The following ROBO3 variants were observed in gnomAD, a reference collection of about 807,000 sequenced individuals.
ROBO3 encodes the protein roundabout guidance receptor 3.
In ROBO3, 97 loss-of-function variants were observed where a neutral mutation model predicts 160.5. That is an observed-to-expected ratio of 0.60 (90% CI 0.51 to 0.72). ROBO3 has a LOEUF of 0.72. Among genes scored for constraint, ROBO3 ranks in the 30% least tolerant of loss-of-function variants. The pLI, the probability that ROBO3 is intolerant of heterozygous loss-of-function variation, is 0.00. For synonymous variants in ROBO3, 780 were observed against 746.2 expected, an observed-to-expected ratio of 1.05 and a Z score of -0.74; for missense variants, 1,858 against 1,846.5, an observed-to-expected ratio of 1.01 and a Z score of -0.11.
chr11:124,880,743 A>G (rs2135352011), intron 27 of ROBO3, 135 bp downstream of exon 27: 3 of 1,244,078 alleles, frequency 2.4e-6, no homozygotes, highest in South Asian at 1.6e-5. Flanking sequence ...GGTGAGGGGG[A>G]GGGAGGAATC....
intron 1 of ROBO3, among the ~76,000 whole-genome samples, chr11:124,868,096 ATGCACCT>A (rs1946225681): frequency 6.6e-6 from 1 of 152,162 alleles, no homozygotes; most frequent in Non-Finnish European, 1.5e-5. Context: ...ATTGGAAACT[ATGCACCT>A]GTCAGGAAAA....
At chr11:124,874,676 G>C in intron 12 of ROBO3, 112 bp from the exon 13 acceptor site, 2 of 1,275,344 alleles carry the variant, frequency 1.6e-6, no homozygotes, top group Non-Finnish European at 2.1e-6. Flanking sequence ...CTGACCATGG[G>C]GTGTGCTCTG....
chr11:124,875,495 T>C (rs1946344706), intron 14 of ROBO3, 69 bp from the exon 15 acceptor site: 3 of 1,593,612 alleles, frequency 1.9e-6, no homozygotes, highest in South Asian at 1.1e-5. Flanking sequence ...GGAGGGGGAA[T>C]GTTGGGGCAG....
rs114572753 is a variant in ROBO3, at chr11:124,872,411, C to A, written c.1189C>A (p.Pro397Thr). ...GCTTTTCCCCAGTCAGTCACTTCAG[C>A]CGACGGGGCGCTTCTCAGTGTCTCC... ...VLLFPSQSLQ[P>T]TGRFSVSPRG... Residue 397 changes from proline to threonine, a missense_variant, in exon 8 of 28, where the codon CCG becomes ACG. Coordinates refer to ENST00000397801, the MANE Select transcript of ROBO3 (RefSeq NM_022370.4). The surrounding 1 kb of genome is among the most constrained non-coding windows in gnomAD (Gnocchi z 4.3). 1,627 of 1,613,964 alleles carry A rather than the reference C, an allele frequency of 1.0e-3. 15 individuals are homozygous for A. The African/African-American group carries it at 0.019, about 19-fold the overall frequency.
Position 124,878,355 on chromosome 11 carries a change from A to G in ROBO3, c.3239A>G (p.Asn1080Ser), listed in dbSNP as rs758160381. The G allele has an allele frequency of 1.2e-6, 2 of 1,613,864 alleles. No individual in the cohort carries two copies. The highest frequency in any genetic ancestry group is 2.7e-5 in the African/African-American group (2 of 75,030). ...AAACCTGTGCAGATGCCCTCTCTGA[A>G]CTGGCCAGAAGCCCTGCCCCCACCT... is the stretch of plus-strand genomic sequence containing the variant. ...LGKPVQMPSL[N>S]WPEALPPPPP... Residue 1080 changes from asparagine (N) to serine (S), a missense_variant, in exon 22 of 28, where the codon AAC becomes AGC. Asn to Ser is a conservative substitution (Grantham distance 46, BLOSUM62 1). Transcript: ENST00000397801. The surrounding 1 kb of genome is among the most constrained non-coding windows in gnomAD (Gnocchi z 4.3).
In ROBO3 at chr11:124,878,173, G is replaced by T. The variant is rs756866812; in HGVS notation, c.3181+42G>T. 1 of 1,574,594 alleles carries T rather than the reference G, an allele frequency of 6.4e-7. No homozygotes were observed. The highest frequency in any genetic ancestry group is 8.6e-7 in the Non-Finnish European group (1 of 1,157,960). On this transcript the variant is annotated intron_variant, in intron 21 of 27. Transcript: ENST00000397801. This position sits in a 1 kb window ranked among gnomAD's most constrained non-coding sequence, Gnocchi z 4.3. ...TGAAACCCCGTTTAGCCCTGACCAG[G>T]GTATCCCCAAAGAGGATCCTCCTCC...
Position 124,879,513 on chromosome 11 carries a change from C to A in ROBO3, c.3734C>A (p.Pro1245His). The A allele has an allele frequency of 6.2e-7, 1 of 1,613,908 alleles. No individual in the cohort carries two copies. Among genetic ancestry groups the A allele is most frequent in the East Asian group, 2.2e-5 (1 of 44,864 alleles). The change falls in exon 25 of 28, where the codon CCC becomes CAC. Residue 1245 changes from proline to histidine, a missense_variant. By Grantham distance (77) the Pro-to-His change is moderately conservative. Transcript: ENST00000397801. Reference protein sequence around the residue: ...NGEMTPPLQGPRARFRKKPKA... With the variant: ...NGEMTPPLQGHRARFRKKPKA... ...GAGATGACTCCCCCACTTCAAGGACCCCGTGCTCGATTCCGGAAGAAACCC... is the reference window on the plus strand; with the variant it reads ...GAGATGACTCCCCCACTTCAAGGACACCGTGCTCGATTCCGGAAGAAACCC...
chr11:124,870,594 G>A lies in ROBO3; in HGVS notation c.906-7G>A. 6.2e-7 allele frequency: 1 copy of A among 1,613,770 alleles called. No homozygotes were observed. Among genetic ancestry groups the A allele is most frequent in the Non-Finnish European group, 8.5e-7 (1 of 1,179,840 alleles). On this transcript the variant is annotated splice_polypyrimidine_tract_variant and splice_region_variant and intron_variant, in intron 5 of 27. Transcript: ENST00000397801. ...GCCAACCCAGCCTGGGGTGGGGAGT[G>A]GAGCAGGTATGAGATCCGGAGTGAC...
At position 124,876,488 on chromosome 11, in the gene ROBO3, A is replaced by T. The variant is rs904869495; in HGVS notation, c.2779+28A>T. On this transcript the variant is annotated intron_variant, in intron 17 of 27. Coordinates refer to ENST00000397801, the MANE Select transcript of ROBO3 (RefSeq NM_022370.4). The surrounding 1 kb of genome is among the most constrained non-coding windows in gnomAD (Gnocchi z 5.3). ...GAGCTCCCGGCCTCGGAGCGGACGG[A>T]TCCGGGAGGGAGCCAGGCGGCCCAT... is the stretch of plus-strand genomic sequence containing the variant. 71 of 1,357,754 alleles carry T rather than the reference A, an allele frequency of 5.2e-5. No homozygotes were observed. The highest frequency in any genetic ancestry group is 6.2e-5 in the Non-Finnish European group (66 of 1,060,550). 84.1% of individuals were successfully genotyped at this position (1,357,754 alleles called of 1,614,324 possible).
intron 27 of ROBO3, 112 bp downstream of exon 27, chr11:124,880,720 A>T: frequency 7.2e-7 from 1 of 1,383,044 alleles, no homozygotes; most frequent in Non-Finnish European, 9.5e-7. Context: ...TGTCAAAAGG[A>T]GGGGATCGAG....
chr11:124,869,737 A>G lies in ROBO3; in HGVS notation c.645+130A>G, dbSNP rs1946254502. 7.8e-7 allele frequency: 1 copy of G among 1,276,330 alleles called. No individual in the cohort carries two copies. The highest frequency in any genetic ancestry group is 2.5e-5 in the East Asian group (1 of 39,598). 79.1% of individuals were successfully genotyped at this position (1,276,330 alleles called of 1,614,324 possible). On this transcript the variant is annotated intron_variant, in intron 3 of 27. Coordinates refer to ENST00000397801, the MANE Select transcript of ROBO3 (RefSeq NM_022370.4). The surrounding 1 kb of genome is among the most constrained non-coding windows in gnomAD (Gnocchi z 4.2). Reference sequence around the variant, plus strand: ...AAGAGTCAGCTATACAGTGAGGGATAAGGAAGACGGAATTGGTATAAAAAA... The same window carrying G: ...AAGAGTCAGCTATACAGTGAGGGATGAGGAAGACGGAATTGGTATAAAAAA...
Position 124,869,914 on chromosome 11 carries a change from G to A in ROBO3, c.646-34G>A, listed in dbSNP as rs1345647095. The A allele has an allele frequency of 1.3e-6, 2 of 1,565,768 alleles. No homozygotes were observed. Among genetic ancestry groups the A allele is most frequent in the East Asian group, 2.4e-5 (1 of 41,756 alleles). On this transcript the variant is annotated intron_variant, in intron 3 of 27. Transcript: ENST00000397801. This position sits in a 1 kb window ranked among gnomAD's most constrained non-coding sequence, Gnocchi z 4.2. The stretch of plus-strand genomic sequence containing the variant: ...CATATATATATACGCTGTGATAGCT[G>A]AAATGGACCAAAGTTACCATTATTG...
intron 27 of ROBO3, 108 bp downstream of exon 27, chr11:124,880,716 A>G: frequency 7.1e-7 from 1 of 1,410,900 alleles, no homozygotes; most frequent in Non-Finnish European, 9.3e-7. Context: ...GGAGTGTCAA[A>G]AGGAGGGGAT....
Position 124,873,634 on chromosome 11 carries a change from G to A in ROBO3, c.1619-63G>A. On this transcript the variant is annotated intron_variant, in intron 10 of 27. Transcript: ENST00000397801. The surrounding 1 kb of genome is among the most constrained non-coding windows in gnomAD (Gnocchi z 4.5). ...AGCTCCATAGCTCCCCTGGTAAGGA[G>A]ACAGGTTACACTAGGATTATCCTTT... is the stretch of plus-strand genomic sequence containing the variant. 1 of 1,471,224 alleles carries A rather than the reference G, an allele frequency of 6.8e-7. No individual in the cohort carries two copies. The highest frequency in any genetic ancestry group is 1.3e-5 in the South Asian group (1 of 77,612). The allele number at this position is 1,471,224 out of a possible 1,614,324, so 91.1% of individuals were successfully genotyped here.
chr11:124,869,429 G>GCCCCCCCCC lies in ROBO3; in HGVS notation c.488-15_488-14insCCCCCCCCC, dbSNP rs34127060. The GCCCCCCCCC allele has an allele frequency of 3.8e-5, 49 of 1,301,734 alleles. No individual in the cohort carries two copies. The highest frequency in any genetic ancestry group is 1.1e-4 in the South Asian group (9 of 79,970). 80.6% of individuals were successfully genotyped at this position (1,301,734 alleles called of 1,614,324 possible). ...TGTCACTCTACACCCTGCTTATTTC[G>GCCCCCCCCC]CCCCCCACCGCCCCGCCCAGTCCTC... On this transcript the variant is annotated intron_variant, in intron 2 of 27. Transcript: ENST00000397801. This position sits in a 1 kb window ranked among gnomAD's most constrained non-coding sequence, Gnocchi z 4.2.
intron 27 of ROBO3, 118 bp downstream of exon 27, chr11:124,880,726 T>G (rs2135351925): frequency 2.2e-6 from 3 of 1,360,022 alleles, no homozygotes; most frequent in Non-Finnish European, 2.9e-6. Context: ...AAGGAGGGGA[T>G]CGAGAGGGTG....
At position 124,875,165 on chromosome 11, in the gene ROBO3, G is replaced by C; in HGVS notation, c.2128G>C (p.Gly710Arg). 1 of 1,613,640 alleles carries C rather than the reference G, an allele frequency of 6.2e-7. No homozygotes were observed. Among genetic ancestry groups the C allele is most frequent in the Non-Finnish European group, 8.5e-7 (1 of 1,179,816 alleles). Reference sequence around the variant, plus strand: ...TTTCCGGGTGTCTTGGAGGGTAGCAGGCCCTGAGGGAGGAAGCTGGACAAT... The same window carrying C: ...TTTCCGGGTGTCTTGGAGGGTAGCACGCCCTGAGGGAGGAAGCTGGACAAT... ...QGFRVSWRVA[G>R]PEGGSWTMLD... The change falls in exon 14 of 28, where the codon GGC (glycine) becomes CGC (arginine). Residue 710 changes from glycine to arginine, a missense_variant. Gly to Arg is a moderately radical substitution (Grantham distance 125). Coordinates refer to ENST00000397801, the MANE Select transcript of ROBO3 (RefSeq NM_022370.4).
intron 26 of ROBO3, 31 bp from the exon 27 acceptor site, chr11:124,880,387 C>T (rs2135350188): frequency 1.6e-5 from 26 of 1,610,868 alleles, no homozygotes; most frequent in Middle Eastern, 1.7e-4. Flanking sequence ...TTCCTGCCTG[C>T]ACCTGGCTAC....
At chr11:124,870,829 T>A in intron 6 of ROBO3, 101 bp downstream of exon 6, 1 of 1,545,678 alleles carries the variant, frequency 6.5e-7, no homozygotes, top group South Asian at 1.2e-5. Flanking sequence ...GAAGGGCATG[T>A]GGATGGAACA....
Sources: allele counts gnomAD v4.1 joint callset (sites outside exome capture counted in the v4.1 genomes callset), GRCh38; gene constraint gnomAD v4.1.1; non-coding constraint Gnocchi (gnomAD v3.1); transcripts MANE v1.5; gene names NCBI Gene and HGNC (gene_info 2026-07-23, HGNC 2026-07-21).